Variants in NTNG1 observed in about 807,000 individuals in gnomAD.
The protein encoded by NTNG1 is netrin-G1.
NTNG1 carries 16 observed loss-of-function variants against 54.0 expected under a neutral mutation model. The observed-to-expected ratio is 0.30, with a 90% CI of 0.20 to 0.45. The LOEUF (loss-of-function observed/expected upper bound fraction) is 0.45. Among genes scored for constraint, NTNG1 ranks in the 20% least tolerant of loss-of-function variants. The pLI is 1.00. For synonymous variants in NTNG1, 255 were observed against 263.1 expected (o/e 0.97, Z 0.30); for missense variants, 530 against 678.7 (o/e 0.78, Z 2.43).
rs555117372 is a variant in NTNG1 at position 107,385,593 on chromosome 1, G to GAA, written c.888-9548_888-9547dup. On this transcript the variant is annotated intron_variant, in intron 3 of 7. Transcript: ENST00000370068. ...CCAGCTAAAACTGTGCTGTTGTGAG[G>GAA]AAAAAAAAAAAAAAGATTATATATC... Among the ~76,000 whole-genome samples, 3 of 136,106 alleles carry GAA rather than the reference G, an allele frequency of 2.2e-5. No individual in the cohort carries two copies. The Admixed American group carries it at 2.2e-4, about 10-fold the overall frequency. The allele number at this position is 136,106 out of a possible 152,430, so 89.3% of individuals were successfully genotyped here. A position where few individuals can be genotyped will look rare whatever the true frequency, so the allele number is the denominator to read the frequency against.
chr1:107,242,015 G>C (rs1293434927), intron 2 of NTNG1, among the ~76,000 whole-genome samples: 1 of 152,154 alleles, frequency 6.6e-6, no homozygotes, highest in Non-Finnish European at 1.5e-5. Context: ...GCTCATACCT[G>C]TAATCCCAGC....
At position 107,370,692 on chromosome 1, in the gene NTNG1, T is replaced by G. The variant is rs145639592; in HGVS notation, c.888-24462T>G. On this transcript the variant is annotated intron_variant, in intron 3 of 7. Coordinates refer to ENST00000370068, the MANE Select transcript of NTNG1 (RefSeq NM_001113226.3). ...TTTGCTGCTAATGCCATTAATTCAT[T>G]CCTTTTTACAATATTGAGTCTTCTG... 3.9e-5 allele frequency among the ~76,000 whole-genome samples: 6 copies of G among 152,220 alleles called. No individual in the cohort carries two copies. In the East Asian group the frequency reaches 1.2e-3, roughly 29 times the overall value.
intron 2 of NTNG1, among the ~76,000 whole-genome samples, chr1:107,229,606 AC>A (rs1414000046): frequency 6.6e-6 from 1 of 151,980 alleles, no homozygotes; most frequent in Admixed American, 6.6e-5. Context: ...AGATGGAGGT[AC>A]CAGTGTGTTG....
At chr1:107,366,841 G>A (rs973484208) in intron 3 of NTNG1, among the ~76,000 whole-genome samples, 11 of 152,034 alleles carry the variant, frequency 7.2e-5, no homozygotes, top group Admixed American at 1.3e-4. Context: ...AGTTCATTTC[G>A]TTCACAAAAG....
chr1:107,313,145 C>G (rs748260246), intron 2 of NTNG1, among the ~76,000 whole-genome samples: 1 of 152,140 alleles, frequency 6.6e-6, no homozygotes, highest in Non-Finnish European at 1.5e-5. Flanking sequence ...TCCCTTTAGT[C>G]TCCATCAGTC....
intron 2 of NTNG1, among the ~76,000 whole-genome samples, chr1:107,276,591 T>G (rs1362893008): frequency 6.6e-6 from 1 of 152,094 alleles, no homozygotes; most frequent in Admixed American, 6.5e-5. Context: ...GGGTATCTAC[T>G]TCTGCTAGAG....
intron 2 of NTNG1, among the ~76,000 whole-genome samples, chr1:107,188,427 C>T (rs1376224317): frequency 6.6e-6 from 1 of 152,154 alleles, no homozygotes; most frequent in Non-Finnish European, 1.5e-5. Context: ...AATATACCCC[C>T]TATTATGCAC....
chr1:107,399,679 G>A (rs1057338933), intron 4 of NTNG1, among the ~76,000 whole-genome samples: 1 of 152,132 alleles, frequency 6.6e-6, no homozygotes, highest in African/African-American at 2.4e-5. Context: ...ATGGAATATT[G>A]TGATTTCAGA....
chr1:107,156,971 C>A (rs147828463), intron 2 of NTNG1, among the ~76,000 whole-genome samples: 1 of 152,078 alleles, frequency 6.6e-6, no homozygotes, highest in Admixed American at 6.6e-5. Context: ...TGCTTTAAAT[C>A]GATCCACAGT....
At chr1:107,374,037 G>A (rs1671082831) in intron 3 of NTNG1, among the ~76,000 whole-genome samples, 1 of 152,124 alleles carries the variant, frequency 6.6e-6, no homozygotes, top group African/African-American at 2.4e-5. Context: ...TTACTGGGTA[G>A]AGAGTCCTAG....
At chr1:107,248,359 G>A (rs1256687379) in intron 2 of NTNG1, among the ~76,000 whole-genome samples, 1 of 152,134 alleles carries the variant, frequency 6.6e-6, no homozygotes, top group Non-Finnish European at 1.5e-5. Context: ...TATGTAATAC[G>A]ATGTCTTCTC....
At chr1:107,153,679 C>T (rs183765367) in intron 2 of NTNG1, among the ~76,000 whole-genome samples, 2 of 152,300 alleles carry the variant, frequency 1.3e-5, no homozygotes, top group Non-Finnish European at 2.9e-5. Context: ...TACAATAGCT[C>T]CTTACTATCT....
At chr1:107,409,975 A>G (rs574253549) in intron 5 of NTNG1, 1 of 152,216 alleles carries the variant, frequency 6.6e-6, no homozygotes, top group Non-Finnish European at 1.5e-5. Flanking sequence ...CACGTAGACG[A>G]CACTGCCTGT....
intron 5 of NTNG1, among the ~76,000 whole-genome samples, chr1:107,412,510 A>G (rs1433752062): frequency 2.0e-5 from 3 of 152,222 alleles, no homozygotes; most frequent in Non-Finnish European, 4.4e-5. Context: ...GGAAGAGATT[A>G]GAAAAGAAAA....
At chr1:107,399,738 G>A (rs1421193182) in intron 4 of NTNG1, among the ~76,000 whole-genome samples, 2 of 152,154 alleles carry the variant, frequency 1.3e-5, no homozygotes, top group Non-Finnish European at 2.9e-5. Flanking sequence ...GTTAAAGGGA[G>A]GATTTGAATC....
At chr1:107,332,279 CTCTT>C (rs1668327227) in intron 3 of NTNG1, among the ~76,000 whole-genome samples, 2 of 151,980 alleles carry the variant, frequency 1.3e-5, no homozygotes, top group African/African-American at 4.8e-5. Flanking sequence ...AGGAGCTTGT[CTCTT>C]TATCCTTAAT....
At chr1:107,266,282 T>G (rs563292532) in intron 2 of NTNG1, among the ~76,000 whole-genome samples, 4 of 152,150 alleles carry the variant, frequency 2.6e-5, no homozygotes, top group Admixed American at 1.3e-4. Context: ...AAGAAATACC[T>G]GAAACTGGGT....
intron 3 of NTNG1, chr1:107,329,115 T>C (rs1236013385): frequency 6.6e-6 from 1 of 152,190 alleles, no homozygotes; most frequent in Non-Finnish European, 1.5e-5. Context: ...AACAGTATTT[T>C]TTCCTTTTTC....
chr1:107,153,129 G>A (rs1304484102), intron 2 of NTNG1, among the ~76,000 whole-genome samples: 1 of 152,100 alleles, frequency 6.6e-6, no homozygotes, highest in Admixed American at 6.6e-5. Context: ...ATGTTCAAAT[G>A]GAATTTACGG....
Sources: allele counts gnomAD v4.1 joint callset (sites outside exome capture counted in the v4.1 genomes callset), GRCh38; gene constraint gnomAD v4.1.1; transcripts MANE v1.5; gene names NCBI Gene and HGNC (gene_info 2026-07-23, HGNC 2026-07-21).